DNAH14: variants seen among roughly 807,000 people sequenced by gnomAD.
DNAH14 encodes the protein dynein axonemal heavy chain 14, also known as axonemal beta dynein heavy chain 14.
A neutral mutation model predicts 520.9 loss-of-function variants in DNAH14; 478 were observed. That is an observed-to-expected ratio of 0.92 (90% CI 0.85 to 0.99). The LOEUF (loss-of-function observed/expected upper bound fraction) is 0.99. Ranked by LOEUF, DNAH14 falls within the 50% of genes least tolerant of loss-of-function variation. The probability of loss-of-function intolerance (pLI) is 0.00; values close to 1 mark genes in which losing one functional copy is unlikely to be tolerated. For missense variants in DNAH14, 4,831 were observed against 5,234.5 expected (o/e 0.92, Z 2.38); for synonymous variants, 1,581 against 1,757.2 (o/e 0.90, Z 2.51).
Position 225,079,289 on chromosome 1 carries a change from C to A in DNAH14, c.2507C>A (p.Ala836Glu), listed in dbSNP as rs2072815069. 6.5e-7 allele frequency: 1 copy of A among 1,548,698 alleles called. No homozygotes were observed. The highest frequency in any genetic ancestry group is 2.5e-5 in the East Asian group (1 of 40,814). Residue 836 changes from alanine to glutamate, a missense_variant, in exon 18 of 86, where the codon GCA becomes GAA. Physicochemically the swap from Ala to Glu is moderately radical, Grantham distance 107. Transcript: ENST00000682510. The part of the protein sequence containing the change: ...EFLEHFIFLN[A>E]ISSKISKLEK... ...CTGGAGCATTTTATTTTTTTGAATG[C>A]AATTTCCTCAAAAATATCTAAATTA...
intron 79 of DNAH14, among the ~76,000 whole-genome samples, chr1:225,377,960 A>G (rs1575106435): frequency 6.6e-6 from 1 of 152,142 alleles, no homozygotes; most frequent in African/African-American, 2.4e-5. Context: ...TCAAATAAAT[A>G]TGGTGAATCT....
At chr1:224,977,234 A>G (rs1026875869) in intron 8 of DNAH14, among the ~76,000 whole-genome samples, 2 of 151,750 alleles carry the variant, frequency 1.3e-5, no homozygotes, top group African/African-American at 4.8e-5. Context: ...AGACTATCGC[A>G]AGAACAGAAA....
chr1:225,354,732 T>A (rs1418279316), intron 73 of DNAH14, among the ~76,000 whole-genome samples: 1 of 152,156 alleles, frequency 6.6e-6, no homozygotes, highest in Non-Finnish European at 1.5e-5. Context: ...CTTAAAAAAA[T>A]CTTTATTTTG....
intron 5 of DNAH14, among the ~76,000 whole-genome samples, chr1:224,965,044 C>A (rs901314711): frequency 6.6e-6 from 1 of 152,020 alleles, no homozygotes; most frequent in Non-Finnish European, 1.5e-5. Flanking sequence ...TCTGTATTTC[C>A]TTATGCTATT....
At chr1:225,156,986 A>C (rs1432070693) in intron 34 of DNAH14, among the ~76,000 whole-genome samples, 1 of 151,554 alleles carries the variant, frequency 6.6e-6, no homozygotes, top group Non-Finnish European at 1.5e-5. Context: ...AAGTGCTGGG[A>C]TTACAGGCGT....
rs1233897636 is a variant in DNAH14, at chr1:225,079,196, G to GT, written c.2425-9dup. On this transcript the variant is annotated splice_polypyrimidine_tract_variant and intron_variant, in intron 17 of 85. Coordinates refer to ENST00000682510, the MANE Select transcript of DNAH14 (RefSeq NM_001367479.1). ...GTCATTACACAATTATAATTGACAT[G>GT]TTGATTTCAGGTTGTGGAATCATCA... is the stretch of plus-strand genomic sequence containing the variant. The GT allele has an allele frequency of 6.5e-6, 10 of 1,528,172 alleles. No homozygotes were observed. The highest frequency in any genetic ancestry group is 7.0e-6 in the Non-Finnish European group (8 of 1,140,714). 94.7% of individuals were successfully genotyped at this position (1,528,172 alleles called of 1,614,324 possible).
At chr1:225,100,193 C>T (rs1300051879) in intron 22 of DNAH14, among the ~76,000 whole-genome samples, 1 of 152,062 alleles carries the variant, frequency 6.6e-6, no homozygotes, top group Non-Finnish European at 1.5e-5. Context: ...ATGGCCCTTA[C>T]ATTTTCTTAT....
chr1:225,166,587 T>C (rs1381603464), intron 35 of DNAH14, among the ~76,000 whole-genome samples: 2 of 152,228 alleles, frequency 1.3e-5, no homozygotes, highest in Non-Finnish European at 2.9e-5. Flanking sequence ...CATAGGAATA[T>C]ATCTTATTTA....
At chr1:225,110,731 AGATG>A (rs2076417153) in intron 23 of DNAH14, among the ~76,000 whole-genome samples, 1 of 151,462 alleles carries the variant, frequency 6.6e-6, no homozygotes, top group African/African-American at 2.4e-5. Flanking sequence ...TAATTCTTTA[AGATG>A]CGTTTTTAAG....
chr1:225,346,369 A>C lies in DNAH14; in HGVS notation c.11086A>C (p.Ser3696Arg). The C allele has an allele frequency of 6.6e-7, 1 of 1,523,928 alleles. No individual in the cohort carries two copies. The highest frequency in any genetic ancestry group is 8.8e-7 in the Non-Finnish European group (1 of 1,137,788). The allele number at this position is 1,523,928 out of a possible 1,614,324, so 94.4% of individuals were successfully genotyped here. ...AAGTGCAATAGACATGTTGACAAAA[A>C]GTATTTTTAAGGTGAGATATTCTTT... ...IKSAIDMLTK[S>R]IFKVVSSALF... Residue 3696 changes from serine to arginine, a missense_variant, in exon 70 of 86, where the codon AGT becomes CGT. By Grantham distance (110) the Ser-to-Arg change is moderately radical (BLOSUM62 -1). Transcript: ENST00000682510.
At chr1:225,252,277 T>G (rs1460219222) in intron 43 of DNAH14, 24 bp from the exon 44 acceptor site, 2 of 1,318,102 alleles carry the variant, frequency 1.5e-6, no homozygotes, top group Admixed American at 4.0e-5. Flanking sequence ...CTTTCTTAGT[T>G]GAATTTATTA....
chr1:225,192,593 T>A, intron 37 of DNAH14, 103 bp from the exon 38 acceptor site: 2 of 714,446 alleles, frequency 2.8e-6, no homozygotes. Flanking sequence ...CTTTTTTTGG[T>A]GTGAAAGGTT....
At chr1:224,960,066 T>C in intron 3 of DNAH14, 87 bp from the exon 4 acceptor site, 2 of 1,305,630 alleles carry the variant, frequency 1.5e-6, no homozygotes, top group Non-Finnish European at 2.1e-6. Flanking sequence ...TATATAATCA[T>C]TAACTGTATT....
intron 36 of DNAH14, among the ~76,000 whole-genome samples, chr1:225,183,152 C>T (rs1285458979): frequency 6.6e-6 from 1 of 152,214 alleles, no homozygotes; most frequent in Non-Finnish European, 1.5e-5. Flanking sequence ...CCAGAAGAGC[C>T]TTGTGGACCC....
chr1:225,353,862 C>T lies in DNAH14; in HGVS notation c.11593C>T (p.Leu3865Phe), dbSNP rs1191938969. ...CNPINFPWEKLTSFQRLILVK... is the reference protein window; with the variant it reads ...CNPINFPWEKFTSFQRLILVK... ...TCCTATAAATTTTCCCTGGGAGAAA[C>T]TCACTTCATTTCAAAGACTTATTTT... Residue 3865 changes from leucine (L) to phenylalanine (F), a missense_variant, in exon 73 of 86, where the codon CTC becomes TTC. Physicochemically the swap from Leu to Phe is conservative, Grantham distance 22. Transcript: ENST00000682510. The T allele has an allele frequency of 1.3e-6, 2 of 1,489,350 alleles. No homozygotes were observed. 92.3% of individuals were successfully genotyped at this position (1,489,350 alleles called of 1,614,324 possible).
At chr1:225,388,224 A>T (rs2095864065) in intron 81 of DNAH14, among the ~76,000 whole-genome samples, 155 bp from the exon 82 acceptor site, 1 of 152,172 alleles carries the variant, frequency 6.6e-6, no homozygotes, top group Admixed American at 6.5e-5. Context: ...TAAGGTTTAG[A>T]CTTTTCATTA....
intron 11 of DNAH14, among the ~76,000 whole-genome samples, chr1:225,027,896 G>A (rs1001616718): frequency 1.3e-4 from 19 of 151,338 alleles, no homozygotes; most frequent in South Asian, 8.3e-4. Context: ...TGAGATGACC[G>A]TATGTCTTTT....
chr1:224,968,567 G>A (rs893529267), intron 6 of DNAH14, among the ~76,000 whole-genome samples, 192 bp from the exon 7 acceptor site: 8 of 152,250 alleles, frequency 5.3e-5, no homozygotes, highest in African/African-American at 1.9e-4. Flanking sequence ...GACAAGTACA[G>A]AAGCAGTGTG....
Position 225,323,597 on chromosome 1 carries a change from G to A in DNAH14, c.9496-625G>A, listed in dbSNP as rs143149126. 2.8e-3 allele frequency among the ~76,000 whole-genome samples: 424 copies of A among 151,430 alleles called. 3 individuals are homozygous for A. Among genetic ancestry groups the A allele is most frequent in the African/African-American group, 9.7e-3 (399 of 41,250 alleles). Reference sequence around the variant, plus strand: ...TCCTGCCTCAGCCTCCCGAGTAGCTGGGGCTACAGGTGCCTGCCACCATGC... The same window carrying A: ...TCCTGCCTCAGCCTCCCGAGTAGCTAGGGCTACAGGTGCCTGCCACCATGC... On this transcript the variant is annotated intron_variant, in intron 62 of 85. Coordinates refer to ENST00000682510, the MANE Select transcript of DNAH14 (RefSeq NM_001367479.1).
Sources: gnomAD v4.1 joint callset for allele counts (sites outside exome capture counted in the v4.1 genomes callset) on GRCh38, gnomAD v4.1.1 for gene constraint, MANE v1.5 for transcripts, NCBI Gene and HGNC (gene_info 2026-07-23, HGNC 2026-07-21) for gene names.